CLSTN2: variants seen among roughly 807,000 people sequenced by gnomAD.
CLSTN2 encodes the protein calsyntenin 2.
CLSTN2 carries 48 observed loss-of-function variants against 101.2 expected under a neutral mutation model. The ratio of observed to expected loss-of-function variants is 0.47; its 90% CI spans 0.38 to 0.60. The LOEUF (loss-of-function observed/expected upper bound fraction) is 0.60. CLSTN2 is among the 20% of genes least tolerant of loss of function. CLSTN2 has a pLI of 0.00. For synonymous variants in CLSTN2, 481 were observed against 463.6 expected (o/e 1.04, Z -0.48); for missense variants, 1,160 against 1,238.2 (o/e 0.94, Z 0.95).
intron 8 of CLSTN2, among the ~76,000 whole-genome samples, chr3:140,502,812 G>C (rs1252724295): frequency 6.6e-6 from 1 of 152,184 alleles, no homozygotes; most frequent in Non-Finnish European, 1.5e-5. Flanking sequence ...AGCAAGGATT[G>C]TGTGTTGAGC....
At chr3:139,951,521 C>T (rs529220970) in intron 1 of CLSTN2, among the ~76,000 whole-genome samples, 171 of 152,298 alleles carry the variant, frequency 1.1e-3, no homozygotes, top group African/African-American at 4.0e-3. Context: ...AGCATGGGGA[C>T]ATCTTGTGGT....
At chr3:140,122,906 A>C (rs908243024) in intron 1 of CLSTN2, among the ~76,000 whole-genome samples, 3 of 152,104 alleles carry the variant, frequency 2.0e-5, no homozygotes, top group Non-Finnish European at 2.9e-5. Flanking sequence ...ATATGCCATG[A>C]GCTGGGTGTG....
intron 2 of CLSTN2, among the ~76,000 whole-genome samples, chr3:140,317,849 T>A (rs2087243833): frequency 6.6e-6 from 1 of 152,210 alleles, no homozygotes; most frequent in South Asian, 2.1e-4. Flanking sequence ...TCAAGGCTTT[T>A]AGAGACTGCA....
intron 1 of CLSTN2, among the ~76,000 whole-genome samples, chr3:140,121,439 G>A (rs781678397): frequency 2.0e-5 from 3 of 152,172 alleles, no homozygotes; most frequent in Non-Finnish European, 4.4e-5. Flanking sequence ...TGGTGGAGCA[G>A]GGCATAGAGT....
chr3:140,480,244 C>T (rs1281941536), intron 8 of CLSTN2, among the ~76,000 whole-genome samples: 1 of 152,116 alleles, frequency 6.6e-6, no homozygotes, highest in Non-Finnish European at 1.5e-5. Flanking sequence ...TGATTTCCAG[C>T]TTCATCCATG....
intron 1 of CLSTN2, among the ~76,000 whole-genome samples, chr3:140,108,279 T>C (rs1408636970): frequency 1.3e-5 from 2 of 152,224 alleles, no homozygotes; most frequent in Admixed American, 6.5e-5. Flanking sequence ...AATATGCTTA[T>C]TCTTTTGAGT....
intron 1 of CLSTN2, among the ~76,000 whole-genome samples, chr3:140,036,908 TG>T (rs570478619): frequency 3.3e-5 from 5 of 152,146 alleles, no homozygotes; most frequent in Non-Finnish European, 7.3e-5. Flanking sequence ...GATGTAAAAA[TG>T]CTTTTTCAAT....
intron 8 of CLSTN2, among the ~76,000 whole-genome samples, chr3:140,526,589 AACAAAC>A (rs1216185572): frequency 2.9e-5 from 4 of 137,820 alleles, no homozygotes; most frequent in Non-Finnish European, 4.6e-5. Context: ...GAAACAAACA[AACAAAC>A]AAAAAAAAAA....
chr3:140,438,192 T>G (rs1367632601), intron 5 of CLSTN2, among the ~76,000 whole-genome samples: 1 of 152,124 alleles, frequency 6.6e-6, no homozygotes, highest in African/African-American at 2.4e-5. Flanking sequence ...AAAACTGAGA[T>G]ACATTTTGTC....
At chr3:140,021,510 A>G (rs1319230213) in intron 1 of CLSTN2, among the ~76,000 whole-genome samples, 1 of 152,064 alleles carries the variant, frequency 6.6e-6, no homozygotes, top group Non-Finnish European at 1.5e-5. Context: ...TTCCCCTGTC[A>G]GAGTTAGAAC....
intron 8 of CLSTN2, among the ~76,000 whole-genome samples, chr3:140,487,872 A>G (rs1490325903): frequency 1.3e-5 from 2 of 152,272 alleles, no homozygotes; most frequent in African/African-American, 4.8e-5. Context: ...CACAAAGCAA[A>G]GACAGAGTCT....
At chr3:140,436,651 C>T (rs566924515) in intron 5 of CLSTN2, among the ~76,000 whole-genome samples, 1 of 152,308 alleles carries the variant, frequency 6.6e-6, no homozygotes, top group African/African-American at 2.4e-5. Flanking sequence ...GCCACATGAG[C>T]AGCAGGCATG....
At chr3:139,990,992 C>T (rs1279748801) in intron 1 of CLSTN2, among the ~76,000 whole-genome samples, 11 of 152,028 alleles carry the variant, frequency 7.2e-5, no homozygotes, top group Non-Finnish European at 1.5e-5. Flanking sequence ...TTTAAATGAA[C>T]AAAGTGAGTC....
At chr3:140,016,823 CA>C (rs1005478161) in intron 1 of CLSTN2, among the ~76,000 whole-genome samples, 2 of 114,830 alleles carry the variant, frequency 1.7e-5, no homozygotes, top group African/African-American at 3.2e-5. Flanking sequence ...AAGAAACAAA[CA>C]AAAAAACCTC....
intron 1 of CLSTN2, among the ~76,000 whole-genome samples, chr3:140,012,166 G>A (rs928785506): frequency 2.6e-5 from 4 of 152,028 alleles, no homozygotes; most frequent in Admixed American, 6.6e-5. Flanking sequence ...AGTACAGAGC[G>A]GGTCCAGAGT....
chr3:140,083,880 G>A (rs2008638089), intron 1 of CLSTN2, among the ~76,000 whole-genome samples: 1 of 152,158 alleles, frequency 6.6e-6, no homozygotes, highest in Non-Finnish European at 1.5e-5. Context: ...TTTTTTTCAA[G>A]TGTTTTTTCA....
At chr3:140,143,121 T>C (rs2009728488) in intron 1 of CLSTN2, among the ~76,000 whole-genome samples, 1 of 152,186 alleles carries the variant, frequency 6.6e-6, no homozygotes. Context: ...GCCTGGCATA[T>C]AGAATAAAAA....
chr3:140,097,463 C>T (rs1027623703), intron 1 of CLSTN2, among the ~76,000 whole-genome samples: 1 of 152,214 alleles, frequency 6.6e-6, no homozygotes, highest in Non-Finnish European at 1.5e-5. Flanking sequence ...AGCCAATATA[C>T]TTCAGCTCTA....
chr3:139,965,621 C>T (rs932809191), intron 1 of CLSTN2, among the ~76,000 whole-genome samples: 8 of 152,170 alleles, frequency 5.3e-5, no homozygotes, highest in Non-Finnish European at 1.0e-4. Context: ...TCTCAGAGGA[C>T]GGGGGCAAAC....
Sources: gnomAD v4.1 joint callset for allele counts (sites outside exome capture counted in the v4.1 genomes callset) on GRCh38, gnomAD v4.1.1 for gene constraint, MANE v1.5 for transcripts, NCBI Gene and HGNC (gene_info 2026-07-23, HGNC 2026-07-21) for gene names.